The following ZC3H12B variants were observed in gnomAD, a reference collection of about 807,000 sequenced individuals.
ZC3H12B encodes probable ribonuclease ZC3H12B.
A neutral mutation model predicts 43.9 loss-of-function variants in ZC3H12B; 7 were observed. That is an observed-to-expected ratio of 0.16 (90% CI 0.09 to 0.30). The LOEUF (loss-of-function observed/expected upper bound fraction) is 0.30. Among genes scored for constraint, ZC3H12B ranks in the 10% least tolerant of loss-of-function variants. The pLI is 1.00. For missense variants in ZC3H12B, 475 were observed against 670.2 expected (o/e 0.71, Z 3.22); for synonymous variants, 222 against 241.7 (o/e 0.92, Z 0.76).
At chrX:65,347,705 A>C in the ZC3H12B span, among the ~76,000 whole-genome samples, 1 of 112,403 alleles carries the variant, frequency 8.9e-6, no homozygotes, top group South Asian at 3.7e-4. Context: ...AGAACTAGAA[A>C]TACCATTTGA....
At chrX:65,221,240 A>C in the ZC3H12B span, among the ~76,000 whole-genome samples, 2 of 111,994 alleles carry the variant, frequency 1.8e-5, no homozygotes, top group East Asian at 2.8e-4. Flanking sequence ...AAATGCCTAC[A>C]TCAAAAAATC....
At chrX:65,043,789 A>G in the ZC3H12B span, among the ~76,000 whole-genome samples, 1 of 112,190 alleles carries the variant, frequency 8.9e-6, no homozygotes, top group African/African-American at 3.2e-5. Context: ...AGAAAAGAAA[A>G]TATTTGAAGA....
the ZC3H12B span, among the ~76,000 whole-genome samples, chrX:65,219,837 C>A: frequency 4.6e-5 from 5 of 109,455 alleles, no homozygotes; most frequent in Non-Finnish European, 9.5e-5. Context: ...CACACACACA[C>A]ACACACACAC....
the ZC3H12B span, among the ~76,000 whole-genome samples, chrX:65,143,149 C>T: frequency 9.0e-6 from 1 of 111,253 alleles, no homozygotes; most frequent in East Asian, 2.8e-4. Flanking sequence ...GGATGTGTTT[C>T]TATTTGTTTG....
the ZC3H12B span, among the ~76,000 whole-genome samples, chrX:65,355,594 G>A: frequency 9.0e-6 from 1 of 111,399 alleles, no homozygotes; most frequent in South Asian, 3.8e-4. Flanking sequence ...CCAAATAAGA[G>A]CAATTTGGGG....
At chrX:65,088,685 T>C in the ZC3H12B span, among the ~76,000 whole-genome samples, 1 of 111,975 alleles carries the variant, frequency 8.9e-6, no homozygotes, top group Non-Finnish European at 1.9e-5. Context: ...TTGCTTTCTA[T>C]AATGACACAG....
At chrX:65,195,509 A>G in the ZC3H12B span, among the ~76,000 whole-genome samples, 1 of 112,363 alleles carries the variant, frequency 8.9e-6, no homozygotes, top group Non-Finnish European at 1.9e-5. Context: ...TTCTATGTAT[A>G]TCTTATTGTA....
the ZC3H12B span, among the ~76,000 whole-genome samples, chrX:65,303,187 A>C: frequency 4.5e-5 from 5 of 110,927 alleles, no homozygotes; most frequent in Non-Finnish European, 7.6e-5. Context: ...AGTTTTTTTC[A>C]AGAACTTAAA....
At chrX:65,213,021 C>G in the ZC3H12B span, among the ~76,000 whole-genome samples, 1 of 108,235 alleles carries the variant, frequency 9.2e-6, no homozygotes, top group Non-Finnish European at 1.9e-5. Flanking sequence ...TTTTTCACTT[C>G]TTTATTTTTT....
the ZC3H12B span, among the ~76,000 whole-genome samples, chrX:65,212,009 T>C: frequency 1.5e-5 from 1 of 66,774 alleles, no homozygotes; most frequent in Non-Finnish European, 2.4e-5. Flanking sequence ...ATGTATACTA[T>C]ATAATATATA....
the ZC3H12B span, among the ~76,000 whole-genome samples, chrX:65,172,097 T>C: frequency 2.7e-5 from 3 of 112,661 alleles, 1 homozygote; most frequent in East Asian, 8.4e-4. Context: ...TCACTCGTCT[T>C]CTGTGTCACT....
chrX:65,398,314 C>A (rs2066724706), intron 2 of ZC3H12B, among the ~76,000 whole-genome samples: 1 of 112,035 alleles, frequency 8.9e-6, no homozygotes, highest in Admixed American at 9.5e-5. Context: ...ATATCCAAAG[C>A]TATCCTGAGC....
the ZC3H12B span, among the ~76,000 whole-genome samples, chrX:65,228,105 C>T: frequency 6.3e-5 from 7 of 111,801 alleles, no homozygotes; most frequent in African/African-American, 2.3e-4. Context: ...GACCAATATC[C>T]TTGATGAACA....
the ZC3H12B span, among the ~76,000 whole-genome samples, chrX:65,331,552 GTTTATTTATTTA>G: frequency 2.6e-4 from 27 of 103,748 alleles, no homozygotes; most frequent in African/African-American, 5.7e-4. Context: ...TAAGTTTAAT[GTTTATTTATTTA>G]TTTATTTATT....
intron 3 of ZC3H12B, among the ~76,000 whole-genome samples, chrX:65,444,587 G>T (rs772439488): frequency 2.1e-4 from 23 of 112,148 alleles, no homozygotes; most frequent in Non-Finnish European, 4.1e-4. Flanking sequence ...CCAGTCTCAG[G>T]TATATCTTTA....
chrX:65,091,018 C>T, the ZC3H12B span, among the ~76,000 whole-genome samples: 2 of 111,278 alleles, frequency 1.8e-5, no homozygotes, highest in African/African-American at 6.5e-5. Context: ...GAGGCTTTCC[C>T]AGAATCACAT....
upstream of ZC3H12B, among the ~76,000 whole-genome samples, chrX:65,364,785 T>C (rs1287019239): frequency 3.6e-5 from 4 of 111,671 alleles, no homozygotes; most frequent in African/African-American, 1.3e-4. Flanking sequence ...TTTCATCTGC[T>C]ATTCTACTAC....
At chrX:65,479,239 G>A (rs1019143993) in intron 3 of ZC3H12B, among the ~76,000 whole-genome samples, 2 of 111,840 alleles carry the variant, frequency 1.8e-5, no homozygotes, top group Admixed American at 1.9e-4. Flanking sequence ...GGCTTTCAAG[G>A]CCACCATGTT....
the ZC3H12B span, among the ~76,000 whole-genome samples, chrX:65,247,672 G>A: frequency 8.9e-6 from 1 of 112,229 alleles, no homozygotes; most frequent in African/African-American, 3.2e-5. Context: ...TCACTTATAA[G>A]TGGGGGCAGA....
Sources: gnomAD v4.1 joint callset for allele counts (sites outside exome capture counted in the v4.1 genomes callset) on GRCh38, gnomAD v4.1.1 for gene constraint, MANE v1.5 for transcripts, NCBI Gene and HGNC (gene_info 2026-07-23, HGNC 2026-07-21) for gene names.